Variants in KDR observed in about 807,000 individuals in gnomAD.
KDR encodes vascular endothelial growth factor receptor 2.
KDR carries 43 observed loss-of-function variants against 160.9 expected under a neutral mutation model. The ratio of observed to expected loss-of-function variants is 0.27; its 90% CI spans 0.21 to 0.34. The LOEUF (loss-of-function observed/expected upper bound fraction) is 0.34, where lower values mean the gene tolerates loss of function less well. Among genes scored for constraint, KDR ranks in the 10% least tolerant of loss-of-function variants. The pLI is 1.00. For synonymous variants in KDR, 617 were observed against 600.1 expected (o/e 1.03, Z -0.41); for missense variants, 1,469 against 1,666.4 (o/e 0.88, Z 2.06).
intron 27 of KDR, among the ~76,000 whole-genome samples, chr4:55,085,725 G>T (rs540675402): frequency 1.3e-5 from 2 of 152,204 alleles, no homozygotes; most frequent in Non-Finnish European, 2.9e-5. Context: ...CTGGATAAAA[G>T]AGAAACTGGG....
Position 55,102,360 on chromosome 4 carries a change from A to G in KDR, c.2134+2T>C. 1 of 1,613,542 alleles carries G rather than the reference A, an allele frequency of 6.2e-7. No homozygotes were observed. The highest frequency in any genetic ancestry group is 2.2e-5 in the East Asian group (1 of 44,862). Reference sequence around the variant, plus strand: ...CAAGAGTGATAGCCAAATTCTATTTACCTGAGTCTTCTACAAGGGTCTCAT... The same window carrying G: ...CAAGAGTGATAGCCAAATTCTATTTGCCTGAGTCTTCTACAAGGGTCTCAT... On this transcript the variant is annotated splice_donor_variant, in intron 14 of 29. Transcript: ENST00000263923. LOFTEE classifies it high-confidence loss of function.
rs747524669 is a variant in KDR, at chr4:55,104,691, T to C, written c.1939A>G (p.Arg647Gly). ...QGDYVCLAQD[R>G]KTKKRHCVVR... ...ACGCAATGTCTTTTCTTGGTCTTCC[T>C]GTCTTGAGCAAGGCAGACATAGTCT... The change falls in exon 13 of 30, where the codon AGG (arginine) becomes GGG (glycine). Residue 647 changes from arginine (R) to glycine (G), a missense_variant. Arg to Gly is a moderately radical substitution (Grantham distance 125). Around this residue, in one of 7 missense-constraint regions of KDR, gnomAD observed 792 missense variants for 840.9 expected, o/e 0.94. Transcript: ENST00000263923. 14 of 1,613,738 alleles carry C rather than the reference T, an allele frequency of 8.7e-6. No individual in the cohort carries two copies. Among genetic ancestry groups the C allele is most frequent in the Non-Finnish European group, 1.1e-5 (13 of 1,179,868 alleles).
intron 1 of KDR, 112 bp downstream of exon 1, chr4:55,125,115 T>TC: frequency 1.0e-6 from 1 of 999,440 alleles, no homozygotes; most frequent in South Asian, 1.4e-5. Flanking sequence ...TCGCAAAATG[T>TC]CAAGTCCTGT....
At chr4:55,099,075 A>G (rs1720242861) in intron 15 of KDR, among the ~76,000 whole-genome samples, 1 of 151,734 alleles carries the variant, frequency 6.6e-6, no homozygotes, top group African/African-American at 2.4e-5. Context: ...GAGTACCATG[A>G]CACAATCATA....
intron 24 of KDR, 100 bp from the exon 25 acceptor site, chr4:55,089,573 T>G: frequency 7.3e-7 from 1 of 1,361,800 alleles, no homozygotes; most frequent in South Asian, 1.2e-5. Flanking sequence ...TGTATCTATT[T>G]TTTTTTTCAA....
Position 55,094,848 on chromosome 4 carries a change from A to G in KDR, c.2925T>C (p.Ser975=). The change falls in exon 21 of 30, where the codon TCT becomes TCC. Residue 975 remains serine (S), a synonymous_variant. Transcript: ENST00000263923. ...TGAGGGACTTCTCCTCCACAAATCCAGAGCTGGCTGAGCTCTGGCTACTGG... is the reference window on the plus strand; with the variant it reads ...TGAGGGACTTCTCCTCCACAAATCCGGAGCTGGCTGAGCTCTGGCTACTGG... ...SITSSQSSAS[S]GFVEEKSLSD... 1.2e-6 allele frequency: 2 copies of G among 1,613,912 alleles called. No homozygotes were observed. Among genetic ancestry groups the G allele is most frequent in the Non-Finnish European group, 1.7e-6 (2 of 1,179,836 alleles).
chr4:55,095,503 A>T (rs1043419220), intron 20 of KDR, 74 bp downstream of exon 20: 2 of 1,142,632 alleles, frequency 1.8e-6, no homozygotes, highest in African/African-American at 3.0e-5. Flanking sequence ...TTTCAACTAA[A>T]AAACTAACCT....
In KDR at chr4:55,084,876, G is replaced by A. The variant is rs928956478; in HGVS notation, c.3663-2241C>T. Reference sequence around the variant, plus strand: ...GTAGCAGGGTCAGGGGTGTAAGTACGGGGTATGAAACAGACAAAAAGTGCA... The same window carrying A: ...GTAGCAGGGTCAGGGGTGTAAGTACAGGGTATGAAACAGACAAAAAGTGCA... On this transcript the variant is annotated intron_variant, in intron 27 of 29. Transcript: ENST00000263923. Among the ~76,000 whole-genome samples the A allele has an allele frequency of 5.3e-5, 8 of 152,172 alleles. 1 individual carries two copies. In the South Asian group the frequency reaches 6.2e-4, roughly 12 times the overall value.
At position 55,115,329 on chromosome 4, in the gene KDR, C is replaced by A. The variant is rs756448748; in HGVS notation, c.441G>T (p.Val147=). 6.2e-7 allele frequency: 1 copy of A among 1,605,816 alleles called. No individual in the cohort carries two copies. Among genetic ancestry groups the A allele is most frequent in the East Asian group, 2.2e-5 (1 of 44,806 alleles). Residue 147 remains valine (V), a synonymous_variant, in exon 4 of 30, where the codon GTG becomes GTT. Transcript: ENST00000263923. ...TTGAAATGGACCCGAGACATGGAATCACCACAGTTTTGTTTTTGTTCTCAG... is the reference window on the plus strand; with the variant it reads ...TTGAAATGGACCCGAGACATGGAATAACCACAGTTTTGTTTTTGTTCTCAG... ...YITENKNKTV[V]IPCLGSISNL...
Position 55,090,016 on chromosome 4 carries a change from G to A in KDR, c.3132C>T (p.Ile1044=), listed in dbSNP as rs145298133. The part of the protein sequence containing the change: ...ILLSEKNVVK[I]CDFGLARDIY... ...TATCCCGGGCCAAGCCAAAGTCACA[G>A]ATTTTAACCACGTTCTTCTCCGATA... Residue 1044 remains isoleucine, a synonymous_variant, in exon 23 of 30, where the codon ATC becomes ATT. Coordinates refer to ENST00000263923, the MANE Select transcript of KDR (RefSeq NM_002253.4). 2 of 1,614,036 alleles carry A rather than the reference G, an allele frequency of 1.2e-6. No homozygotes were observed. The highest frequency in any genetic ancestry group is 1.7e-6 in the Non-Finnish European group (2 of 1,179,930).
At chr4:55,087,544 T>A (rs991619470) in intron 27 of KDR, 63 bp downstream of exon 27, 3 of 1,481,610 alleles carry the variant, frequency 2.0e-6, no homozygotes, top group Non-Finnish European at 1.9e-6. Context: ...CCACTTCCAA[T>A]CCCCCTCCCG....
chr4:55,094,773 C>T (rs2110014970), intron 21 of KDR, 29 bp downstream of exon 21: 5 of 1,594,956 alleles, frequency 3.1e-6, no homozygotes, highest in Non-Finnish European at 4.3e-6. Context: ...AAGAGCATGC[C>T]ATAGCATGCA....
Position 55,118,476 on chromosome 4 carries a change from T to C in KDR, c.358+128A>G, listed in dbSNP as rs2305950. ...CAGAGAAAGCCTCAGGAGAGAAGAA[T>C]TGTGTGTATTCCTCTTGGCAAACAG... On this transcript the variant is annotated intron_variant, in intron 3 of 29. Coordinates refer to ENST00000263923, the MANE Select transcript of KDR (RefSeq NM_002253.4). 432 of 745,538 alleles carry C rather than the reference T, an allele frequency of 5.8e-4. 2 individuals carry two copies. In the East Asian group the frequency reaches 0.01, roughly 18 times the overall value. The allele number at this position is 745,538 out of a possible 1,614,324, so 46.2% of individuals were successfully genotyped here.
chr4:55,110,748 C>T lies in KDR; in HGVS notation c.997G>A (p.Gly333Arg), dbSNP rs763724811. 6 of 1,600,030 alleles carry T rather than the reference C, an allele frequency of 3.7e-6. No homozygotes were observed. In the South Asian group the frequency reaches 4.5e-5, roughly 12 times the overall value. Residue 333 changes from glycine to arginine, a missense_variant, in exon 8 of 30, where the codon GGA becomes AGA. By Grantham distance (125) the Gly-to-Arg change is moderately radical (BLOSUM62 -2). This residue lies in a region of KDR where 792 missense variants were observed against 840.9 expected (regional missense o/e 0.94). Coordinates refer to ENST00000263923, the MANE Select transcript of KDR (RefSeq NM_002253.4). Reference sequence around the variant, plus strand: ...TCCACCAGAGATTCCATGCCACTTCCAAAAGCAACAAAAGGTTTTTCTGGA... The same window carrying T: ...TCCACCAGAGATTCCATGCCACTTCTAAAAGCAACAAAAGGTTTTTCTGGA... The part of the protein sequence containing the change: ...RVHEKPFVAF[G>R]SGMESLVEAT...
intron 9 of KDR, 139 bp downstream of exon 9, chr4:55,110,264 A>T: frequency 1.1e-6 from 1 of 873,406 alleles, no homozygotes; most frequent in Non-Finnish European, 1.9e-6. Flanking sequence ...CAGCTTCACC[A>T]CGCCAGATGA....
intron 29 of KDR, 38 bp from the exon 30 acceptor site, chr4:55,080,201 G>A: frequency 6.3e-7 from 1 of 1,589,768 alleles, no homozygotes; most frequent in Non-Finnish European, 8.6e-7. Flanking sequence ...TTGGCAGAGA[G>A]AAGACAATTC....
Position 55,089,776 on chromosome 4 carries a change from G to A in KDR, c.3219C>T (p.Ala1073=), listed in dbSNP as rs1283881899. Residue 1073 remains alanine, a synonymous_variant, in exon 24 of 30, where the codon GCC becomes GCT. Coordinates refer to ENST00000263923, the MANE Select transcript of KDR (RefSeq NM_002253.4). ...ACACTCTGTCAAAAATTGTTTCTGG[G>A]GCCATCCATTTCAAAGGGAGGCGAG... is the stretch of plus-strand genomic sequence containing the variant. ...GDARLPLKWM[A]PETIFDRVYT... The A allele has an allele frequency of 6.2e-7, 1 of 1,613,910 alleles. No homozygotes were observed. Among genetic ancestry groups the A allele is most frequent in the African/African-American group, 1.3e-5 (1 of 74,870 alleles).
At chr4:55,112,570 C>T (rs1316187987) in intron 7 of KDR, among the ~76,000 whole-genome samples, 1 of 146,050 alleles carries the variant, frequency 6.8e-6, no homozygotes, top group African/African-American at 2.5e-5. Context: ...CTCTTGTTGC[C>T]CAGGCTGGGG....
chr4:55,081,187 T>G (rs544363997), intron 29 of KDR, among the ~76,000 whole-genome samples: 47 of 151,974 alleles, frequency 3.1e-4, no homozygotes, highest in Middle Eastern at 6.8e-3. Flanking sequence ...TATGTTGGGG[T>G]TTTTTTTGTT....
Sources: allele counts gnomAD v4.1 joint callset (sites outside exome capture counted in the v4.1 genomes callset), GRCh38; gene constraint gnomAD v4.1.1; regional missense constraint gnomAD v4.1.1; transcripts MANE v1.5; gene names NCBI Gene and HGNC (gene_info 2026-07-23, HGNC 2026-07-21).